Variants in HS3ST4 observed in about 807,000 individuals in gnomAD.
HS3ST4 encodes the protein heparan sulfate-glucosamine 3-sulfotransferase 4.
A neutral mutation model predicts 29.2 loss-of-function variants in HS3ST4; 17 were observed. The ratio of observed to expected loss-of-function variants is 0.58; its 90% CI spans 0.40 to 0.87. The LOEUF is 0.87. HS3ST4 is among the 40% of genes least tolerant of loss of function. The pLI is 0.00. For missense variants in HS3ST4, 627 were observed against 634.5 expected, an observed-to-expected ratio of 0.99 and a Z score of 0.13; for synonymous variants, 314 against 285.7, an observed-to-expected ratio of 1.10 and a Z score of -1.00.
chr16:25,860,811 G>A (rs1967629162), intron 1 of HS3ST4, among the ~76,000 whole-genome samples: 1 of 152,144 alleles, frequency 6.6e-6, no homozygotes, highest in Non-Finnish European at 1.5e-5. Context: ...TTATAAATTT[G>A]CCCAGACCCG....
chr16:26,046,145 ATTTTTT>A (rs146624042), intron 1 of HS3ST4, among the ~76,000 whole-genome samples: 1 of 114,638 alleles, frequency 8.7e-6, no homozygotes, highest in Admixed American at 9.1e-5. Context: ...AGGACAGGAA[ATTTTTT>A]TTTTTTTTTT....
At chr16:26,120,637 A>G (rs1426882882) in intron 1 of HS3ST4, among the ~76,000 whole-genome samples, 1 of 152,242 alleles carries the variant, frequency 6.6e-6, no homozygotes, top group East Asian at 1.9e-4. Flanking sequence ...GACACCTGTC[A>G]TGTATATGGA....
chr16:25,926,930 C>T (rs756924413), intron 1 of HS3ST4, among the ~76,000 whole-genome samples: 5 of 152,124 alleles, frequency 3.3e-5, no homozygotes, highest in Admixed American at 6.6e-5. Flanking sequence ...TTTGGGTTCC[C>T]TCTGAAGGGG....
intron 1 of HS3ST4, among the ~76,000 whole-genome samples, chr16:25,759,857 T>A (rs1448934787): frequency 6.6e-6 from 1 of 151,200 alleles, no homozygotes; most frequent in Non-Finnish European, 1.5e-5. Context: ...ACCACTACAC[T>A]CCAGCCTGGG....
At chr16:25,714,415 G>A (rs2141586380) in intron 1 of HS3ST4, among the ~76,000 whole-genome samples, 1 of 152,286 alleles carries the variant, frequency 6.6e-6, no homozygotes, top group Non-Finnish European at 1.5e-5. Context: ...CACGGCTGCT[G>A]ATCCCTCTAG....
intron 1 of HS3ST4, chr16:26,032,460 T>G: frequency 1.0e-6 from 1 of 968,054 alleles, no homozygotes; most frequent in African/African-American, 1.6e-5. Flanking sequence ...AATTCCACAT[T>G]TTTATAAAAC....
In HS3ST4 at chr16:25,943,427, A is replaced by G. The variant is rs191416649; in HGVS notation, c.735-192185A>G. ...ACTATGTAAAAGACACTAATGAGAA[A>G]AGACTCAAAAGGAAGGCAGAAAAAG... On this transcript the variant is annotated intron_variant, in intron 1 of 1. Transcript: ENST00000331351. Among the ~76,000 whole-genome samples the G allele has an allele frequency of 2.2e-3, 335 of 152,334 alleles. 7 individuals are homozygous for G. Among genetic ancestry groups the G allele is most frequent in the Non-Finnish European group, 2.4e-4 (16 of 68,034 alleles).
At chr16:25,828,295 T>TCTTTCTTTCTTTCTTTCTTTCTTC in intron 1 of HS3ST4, among the ~76,000 whole-genome samples, 1 of 68,196 alleles carries the variant, frequency 1.5e-5, no homozygotes, top group African/African-American at 6.8e-5. Flanking sequence ...TTTCTTTCTT[T>TCTTTCTTTCTTTCTTTCTTTCTTC]CTTTCCCTCT....
At chr16:26,105,215 A>G (rs1596682705) in intron 1 of HS3ST4, among the ~76,000 whole-genome samples, 1 of 152,298 alleles carries the variant, frequency 6.6e-6, no homozygotes, top group East Asian at 1.9e-4. Context: ...TGCAACTGGA[A>G]ACCATTATCC....
chr16:26,081,315 A>G (rs1461899297), intron 1 of HS3ST4, among the ~76,000 whole-genome samples: 1 of 151,640 alleles, frequency 6.6e-6, no homozygotes, highest in Non-Finnish European at 1.5e-5. Context: ...TTCAGATTTA[A>G]CACTATCCCT....
At chr16:25,911,977 G>A (rs1278528828) in intron 1 of HS3ST4, among the ~76,000 whole-genome samples, 1 of 152,188 alleles carries the variant, frequency 6.6e-6, no homozygotes, top group East Asian at 1.9e-4. Context: ...AAAAGATGGG[G>A]TTTGGGTAAA....
intron 1 of HS3ST4, among the ~76,000 whole-genome samples, chr16:25,794,973 CTT>C (rs58579462): frequency 1.2e-4 from 15 of 126,076 alleles, no homozygotes; most frequent in Non-Finnish European, 1.4e-4. Flanking sequence ...TTTTTCTTTA[CTT>C]TTTTTTTTTT....
chr16:25,746,689 T>C (rs761063912), intron 1 of HS3ST4, among the ~76,000 whole-genome samples: 1 of 150,606 alleles, frequency 6.6e-6, no homozygotes, highest in Non-Finnish European at 1.5e-5. Flanking sequence ...GTAGCTGGGA[T>C]TACAGGTGCA....
intron 1 of HS3ST4, among the ~76,000 whole-genome samples, chr16:25,907,332 T>C (rs1321824296): frequency 2.0e-5 from 3 of 152,122 alleles, no homozygotes; most frequent in African/African-American, 4.8e-5. Flanking sequence ...GAAAGCTTAG[T>C]GATTAAATGG....
At chr16:25,828,290 T>TTCTTTCTC (rs1967250861) in intron 1 of HS3ST4, among the ~76,000 whole-genome samples, 1 of 69,436 alleles carries the variant, frequency 1.4e-5, no homozygotes, top group Non-Finnish European at 2.8e-5. Flanking sequence ...CTTTCTTTCT[T>TTCTTTCTC]TCTTTCTTTC....
At chr16:26,086,618 G>C (rs1898792429) in intron 1 of HS3ST4, among the ~76,000 whole-genome samples, 1 of 152,088 alleles carries the variant, frequency 6.6e-6, no homozygotes, top group African/African-American at 2.4e-5. Context: ...CAAAGTGCTG[G>C]GATTACAGGC....
At chr16:25,727,022 A>G (rs1403411579) in intron 1 of HS3ST4, among the ~76,000 whole-genome samples, 1 of 152,156 alleles carries the variant, frequency 6.6e-6, no homozygotes, top group East Asian at 1.9e-4. Context: ...CTCACTTCAA[A>G]TGCTCAAGCT....
intron 1 of HS3ST4, among the ~76,000 whole-genome samples, chr16:25,935,698 AT>A (rs1968511022): frequency 6.6e-6 from 1 of 152,102 alleles, no homozygotes; most frequent in African/African-American, 2.4e-5. Flanking sequence ...ATGTGACACA[AT>A]TTGTTTATCC....
intron 1 of HS3ST4, among the ~76,000 whole-genome samples, chr16:26,074,976 C>T (rs781098903): frequency 1.1e-4 from 16 of 152,278 alleles, no homozygotes; most frequent in East Asian, 1.9e-4. Flanking sequence ...AGGTAGATCA[C>T]GAGGTCAAGA....
Sources: allele counts gnomAD v4.1 joint callset (sites outside exome capture counted in the v4.1 genomes callset), GRCh38; gene constraint gnomAD v4.1.1; transcripts MANE v1.5; gene names NCBI Gene and HGNC (gene_info 2026-07-23, HGNC 2026-07-21).